The following P4HA1 variants were observed in gnomAD, a reference collection of about 807,000 sequenced individuals.
P4HA1 encodes prolyl 4-hydroxylase subunit alpha-1.
In P4HA1, 24 loss-of-function variants were observed where a neutral mutation model predicts 72.8. The observed-to-expected ratio is 0.33, with a 90% CI of 0.24 to 0.46. The LOEUF is 0.46. Among genes scored for constraint, P4HA1 ranks in the 20% least tolerant of loss-of-function variants. The pLI, the probability that P4HA1 is intolerant of heterozygous loss-of-function variation, is 1.00. For missense variants in P4HA1, 446 were observed against 640.6 expected (o/e 0.70, Z 3.28); for synonymous variants, 201 against 218.8 (o/e 0.92, Z 0.72).
At position 73,051,121 on chromosome 10, in the gene P4HA1, C is replaced by G. The variant is rs748849628; in HGVS notation, c.832G>C (p.Val278Leu). The change falls in exon 7 of 15, where the codon GTT becomes CTT. Residue 278 changes from valine (V) to leucine (L), a missense_variant. Val to Leu is a conservative substitution (Grantham distance 32). Coordinates refer to ENST00000394890, the MANE Select transcript of P4HA1 (RefSeq NM_001017962.3). ...CTCTCTGGCAGGTAATCCACAGCAA[C>G]CCCTTTTTTCTTTGGTGTAGTTTTC... ...DQKTTPKKKG[V>L]AVDYLPERQK... 1 of 1,614,014 alleles carries G rather than the reference C, an allele frequency of 6.2e-7. No homozygotes were observed. Among genetic ancestry groups the G allele is most frequent in the South Asian group, 1.1e-5 (1 of 91,074 alleles).
At chr10:73,076,360 GTTTTTT>G (rs553512800) in intron 1 of P4HA1, among the ~76,000 whole-genome samples, 1 of 136,016 alleles carries the variant, frequency 7.4e-6, no homozygotes, top group Admixed American at 7.5e-5. Flanking sequence ...CACTGTGCCT[GTTTTTT>G]TTTTTTTTTT....
rs573162449 is a variant in P4HA1, at chr10:73,013,894, T to C, written c.1368+330A>G. Among the ~76,000 whole-genome samples, 490 of 152,264 alleles carry C rather than the reference T, an allele frequency of 3.2e-3. 2 individuals carry two copies. The highest frequency in any genetic ancestry group is 0.011 in the African/African-American group (466 of 41,558). On this transcript the variant is annotated intron_variant, in intron 12 of 14. Transcript: ENST00000394890. ...CAGAAGTTTACTGAAATAATGTGTA[T>C]GTGTATGTATAGAAATTCAAATATA...
At chr10:73,045,873 C>CA (rs537895197) in intron 8 of P4HA1, among the ~76,000 whole-genome samples, 8,227 of 112,118 alleles carry the variant, frequency 0.073, 601 homozygotes, top group African/African-American at 0.2. Flanking sequence ...AATCTTTGGC[C>CA]AAAAAAAAAA....
At chr10:73,057,059 C>T (rs183879757) in intron 5 of P4HA1, among the ~76,000 whole-genome samples, 151 of 122,132 alleles carry the variant, frequency 1.2e-3, no homozygotes, top group African/African-American at 4.7e-3. Context: ...GACGCTGTCT[C>T]GAAAAAAAAA....
chr10:73,059,079 G>C (rs1319311547), intron 5 of P4HA1, among the ~76,000 whole-genome samples: 1 of 151,854 alleles, frequency 6.6e-6, no homozygotes, highest in Non-Finnish European at 1.5e-5. Flanking sequence ...CGCCCAGCCA[G>C]TACGCTATCT....
chr10:73,076,238 T>G (rs76800487), intron 1 of P4HA1, among the ~76,000 whole-genome samples: 7,746 of 152,202 alleles, frequency 0.051, 608 homozygotes, highest in African/African-American at 0.17. Context: ...ACTTAGTTTG[T>G]TTTTTTAAGA....
intron 5 of P4HA1, among the ~76,000 whole-genome samples, chr10:73,054,441 C>T (rs569957361): frequency 5.3e-5 from 8 of 152,192 alleles, no homozygotes; most frequent in Admixed American, 5.2e-4. Flanking sequence ...CAAAAAGAAA[C>T]CCTGTAACCA....
chr10:73,038,622 C>CTTTTTTTT (rs745518781), intron 9 of P4HA1, among the ~76,000 whole-genome samples: 3 of 108,840 alleles, frequency 2.8e-5, no homozygotes, highest in African/African-American at 8.0e-5. Context: ...TTTTTATTTG[C>CTTTTTTTT]TTTTTTTTTT....
chr10:73,078,600 ATTTTTT>A (rs770821126), intron 1 of P4HA1, among the ~76,000 whole-genome samples: 4 of 99,630 alleles, frequency 4.0e-5, no homozygotes, highest in Admixed American at 1.0e-4. Context: ...GCAGTAGGTA[ATTTTTT>A]TTTTTTTTTT....
chr10:73,010,136 T>C (rs767359880), intron 13 of P4HA1, among the ~76,000 whole-genome samples: 9 of 152,006 alleles, frequency 5.9e-5, no homozygotes, highest in African/African-American at 7.2e-5. Flanking sequence ...GCCTGGCTAA[T>C]TTTGTATTTT....
intron 13 of P4HA1, among the ~76,000 whole-genome samples, chr10:73,010,211 GC>G (rs1020826895): frequency 2.6e-5 from 4 of 151,952 alleles, no homozygotes; most frequent in African/African-American, 7.3e-5. Flanking sequence ...CAGATGATCC[GC>G]CCATCTTGGC....
chr10:73,041,542 C>T, intron 9 of P4HA1, among the ~76,000 whole-genome samples: 1 of 146,558 alleles, frequency 6.8e-6, no homozygotes, highest in African/African-American at 2.7e-5. Context: ...GACTCCATCC[C>T]CCCCCCAAAA....
chr10:73,050,782 T>C (rs1841001361), intron 7 of P4HA1, among the ~76,000 whole-genome samples: 1 of 152,006 alleles, frequency 6.6e-6, no homozygotes. Context: ...CATAACTCAC[T>C]GTGCCCCTGA....
intron 1 of P4HA1, among the ~76,000 whole-genome samples, chr10:73,078,645 T>C (rs1476041547): frequency 6.9e-6 from 1 of 144,744 alleles, no homozygotes; most frequent in African/African-American, 2.7e-5. Context: ...AGAGTCTCAT[T>C]CTGTTGCCCA....
chr10:73,065,328 GAACT>G (rs1841394818), intron 5 of P4HA1: 2 of 152,016 alleles, frequency 1.3e-5, no homozygotes, highest in South Asian at 4.1e-4. Flanking sequence ...AAGTCCTTAA[GAACT>G]ATAAGGACAA....
In P4HA1 at chr10:73,088,148, C is replaced by T. The variant is rs114067198; in HGVS notation, c.-33+8618G>A. Among the ~76,000 whole-genome samples, 577 of 152,302 alleles carry T rather than the reference C, an allele frequency of 3.8e-3. 5 individuals are homozygous for T. Among genetic ancestry groups the T allele is most frequent in the African/African-American group, 0.013 (536 of 41,562 alleles). ...GCTCAAGCAATCCTCCTGCCTCAAC[C>T]TCCCAAAATGCTGGGATTACAAACG... On this transcript the variant is annotated intron_variant, in intron 1 of 14. Coordinates refer to ENST00000394890, the MANE Select transcript of P4HA1 (RefSeq NM_001017962.3).
intron 9 of P4HA1, among the ~76,000 whole-genome samples, chr10:73,036,134 C>A (rs989604492): frequency 6.6e-6 from 1 of 150,616 alleles, no homozygotes; most frequent in African/African-American, 2.5e-5. Flanking sequence ...TTGCAGTGAG[C>A]CGAGATCACG....
At position 73,073,811 on chromosome 10, in the gene P4HA1, C is replaced by G; in HGVS notation, c.93G>C (p.Leu31Phe). Residue 31 changes from leucine (L) to phenylalanine (F), a missense_variant, in exon 3 of 15, where the codon TTG (leucine) becomes TTC (phenylalanine). Physicochemically the swap from Leu to Phe is conservative, Grantham distance 22. Coordinates refer to ENST00000394890, the MANE Select transcript of P4HA1 (RefSeq NM_001017962.3). Reference sequence around the variant, plus strand: ...TCACCAGATCTTTCTCAGTATGGATCAAATCAGTCATCTGACCTAGAAGGG... The same window carrying G: ...TCACCAGATCTTTCTCAGTATGGATGAAATCAGTCATCTGACCTAGAAGGG... ...FFTSIGQMTD[L>F]IHTEKDLVTS... 1.9e-6 allele frequency: 3 copies of G among 1,554,294 alleles called. No homozygotes were observed. Among genetic ancestry groups the G allele is most frequent in the Non-Finnish European group, 2.7e-6 (3 of 1,126,446 alleles).
At chr10:73,073,891 A>AT (rs1841628765) in intron 2 of P4HA1, 64 bp from the exon 3 acceptor site, 1 of 802,738 alleles carries the variant, frequency 1.2e-6, no homozygotes, top group Non-Finnish European at 2.2e-6. Flanking sequence ...AAGAATAAGA[A>AT]TGATTGAGAC....
Sources: gnomAD v4.1 joint callset for allele counts (sites outside exome capture counted in the v4.1 genomes callset) on GRCh38, gnomAD v4.1.1 for gene constraint, MANE v1.5 for transcripts, NCBI Gene and HGNC (gene_info 2026-07-23, HGNC 2026-07-21) for gene names.